Variants in GRK5 observed in about 807,000 individuals in gnomAD.
GRK5 encodes g protein-coupled receptor kinase GRK5.
Under a neutral mutation model 78.4 loss-of-function variants are expected in GRK5, and 40 were observed. The observed-to-expected ratio is 0.51, with a 90% confidence interval of 0.40 to 0.66. GRK5 has a LOEUF of 0.66. Among genes scored for constraint, GRK5 ranks in the 30% least tolerant of loss-of-function variants. The probability of loss-of-function intolerance (pLI) is 0.00; values close to 1 mark genes in which losing one functional copy is unlikely to be tolerated. For missense variants in GRK5, 598 were observed against 759.9 expected, an observed-to-expected ratio of 0.79 and a Z score of 2.50; for synonymous variants, 289 against 296.8, an observed-to-expected ratio of 0.97 and a Z score of 0.27.
Position 119,261,654 on chromosome 10 carries a change from C to T in GRK5, c.52+53685C>T, listed in dbSNP as rs1282384271. 7.9e-4 allele frequency among the ~76,000 whole-genome samples: 120 copies of T among 152,346 alleles called. 1 individual carries two copies. The highest frequency in any genetic ancestry group is 6.6e-3 in the East Asian group (34 of 5,184). On this transcript the variant is annotated intron_variant, in intron 1 of 15. Transcript: ENST00000392870. ...GACTCTGTCTGCAATCCCGGCACCT[C>T]GGGAGGCCGAGGCTGGCGGATCACT... is the stretch of plus-strand genomic sequence containing the variant.
rs192930753 is a variant in GRK5 at position 119,222,532 on chromosome 10, C to T, written c.52+14563C>T. ...GGAATTTACCTAGACAAGGGCCCTA[C>T]GGTTCCCACCTGAGAATAGAAAACG... On this transcript the variant is annotated intron_variant, in intron 1 of 15. Transcript: ENST00000392870. Among the ~76,000 whole-genome samples the T allele has an allele frequency of 2.5e-3, 383 of 152,208 alleles. 5 individuals are homozygous for T. The South Asian group carries it at 0.028, about 11-fold the overall frequency.
intron 2 of GRK5, among the ~76,000 whole-genome samples, chr10:119,346,635 T>C (rs1851099886): frequency 6.6e-6 from 1 of 152,164 alleles, no homozygotes; most frequent in South Asian, 2.1e-4. Flanking sequence ...GCTGGGTGCC[T>C]TCTGCCAGCT....
intron 1 of GRK5, among the ~76,000 whole-genome samples, chr10:119,312,981 C>G (rs12766130): frequency 0.29 from 7,056 of 24,756 alleles, 351 homozygotes; most frequent in East Asian, 0.38. Context: ...GATGGTGATG[C>G]TGATGGTGGT....
chr10:119,263,433 G>A (rs2133659834), intron 1 of GRK5, among the ~76,000 whole-genome samples: 1 of 152,180 alleles, frequency 6.6e-6, no homozygotes, highest in East Asian at 1.9e-4. Context: ...GTGTGTGCAT[G>A]TGTAAAACAT....
At chr10:119,276,616 AGTAATGGGATGGCTGGGTCAAAT>A (rs755897436) in intron 1 of GRK5, among the ~76,000 whole-genome samples, 69 of 152,356 alleles carry the variant, frequency 4.5e-4, no homozygotes, top group Non-Finnish European at 7.5e-4. Context: ...GTATATACCC[AGTAATGGGATGGCTGGGTCAAAT>A]GGTATTTCTA....
At chr10:119,422,821 C>T (rs928463335) in intron 4 of GRK5, among the ~76,000 whole-genome samples, 2 of 152,232 alleles carry the variant, frequency 1.3e-5, no homozygotes, top group African/African-American at 4.8e-5. Flanking sequence ...GCCATGGGGA[C>T]TGTCATTATC....
chr10:119,397,756 C>T (rs2133855471), intron 4 of GRK5, among the ~76,000 whole-genome samples: 2 of 152,380 alleles, frequency 1.3e-5, no homozygotes, highest in South Asian at 4.1e-4. Context: ...TCTTCTCCAG[C>T]ATCAGCAGTT....
chr10:119,275,931 C>T (rs1355800550), intron 1 of GRK5, among the ~76,000 whole-genome samples: 2 of 152,110 alleles, frequency 1.3e-5, no homozygotes, highest in Non-Finnish European at 2.9e-5. Flanking sequence ...CAGACAGTGA[C>T]CCGATTTTCC....
intron 2 of GRK5, among the ~76,000 whole-genome samples, chr10:119,362,475 C>G (rs1227435887): frequency 6.6e-6 from 1 of 152,270 alleles, no homozygotes; most frequent in Admixed American, 6.5e-5. Flanking sequence ...ATGTAATAGA[C>G]AGCAGAGACC....
intron 1 of GRK5, among the ~76,000 whole-genome samples, chr10:119,288,059 G>A (rs1239228830): frequency 6.6e-6 from 1 of 152,268 alleles, no homozygotes; most frequent in Non-Finnish European, 1.5e-5. Flanking sequence ...TGCTCTTAGG[G>A]TTAGCCCAGA....
chr10:119,436,602 G>A, intron 8 of GRK5, 49 bp from the exon 9 acceptor site: 1 of 1,569,230 alleles, frequency 6.4e-7, no homozygotes. Context: ...AAGTGGAAGT[G>A]AGTGGCCATT....
chr10:119,377,175 A>G (rs1851638415), intron 2 of GRK5, among the ~76,000 whole-genome samples: 1 of 152,188 alleles, frequency 6.6e-6, no homozygotes, highest in East Asian at 1.9e-4. Context: ...GCCCCCTTCC[A>G]AGCTGGATTT....
intron 1 of GRK5, among the ~76,000 whole-genome samples, chr10:119,265,793 C>G (rs1849486050): frequency 1.3e-5 from 2 of 152,214 alleles, no homozygotes; most frequent in Non-Finnish European, 2.9e-5. Flanking sequence ...CAGGGAAACC[C>G]TGGGCCCTGC....
chr10:119,247,575 A>G (rs1056646352), intron 1 of GRK5, among the ~76,000 whole-genome samples: 51 of 152,244 alleles, frequency 3.3e-4, no homozygotes, highest in Non-Finnish European at 5.9e-5. Flanking sequence ...TTTAATAGCA[A>G]TTAAAACAAA....
rs562113667 is a variant in GRK5, at chr10:119,231,846, G to A, written c.52+23877G>A. Among the ~76,000 whole-genome samples, 340 of 152,214 alleles carry A rather than the reference G, an allele frequency of 2.2e-3. 3 individuals carry two copies. The highest frequency in any genetic ancestry group is 3.3e-3 in the Non-Finnish European group (227 of 68,022). ...ACAAAAAATAACAAATACCGGAGACGATGTAGAGAAAAGGGAACTCATACA... is the reference window on the plus strand; with the variant it reads ...ACAAAAAATAACAAATACCGGAGACAATGTAGAGAAAAGGGAACTCATACA... On this transcript the variant is annotated intron_variant, in intron 1 of 15. Coordinates refer to ENST00000392870, the MANE Select transcript of GRK5 (RefSeq NM_005308.3).
chr10:119,431,567 T>C lies in GRK5; in HGVS notation c.738+40T>C, dbSNP rs1214007909. ...GGGCCCAGTGACCGGCTCGCCCTTC[T>C]GTGGACTGGGGCTTCCCTCCCTCCG... On this transcript the variant is annotated intron_variant, in intron 8 of 15. Coordinates refer to ENST00000392870, the MANE Select transcript of GRK5 (RefSeq NM_005308.3). The surrounding 1 kb of genome is among the most constrained non-coding windows in gnomAD (Gnocchi z 4.8). 2.5e-6 allele frequency: 4 copies of C among 1,598,522 alleles called. No individual in the cohort carries two copies. Among genetic ancestry groups the C allele is most frequent in the Non-Finnish European group, 3.4e-6 (4 of 1,171,752 alleles).
In GRK5 at chr10:119,457,831, C is replaced by T. The variant is rs543672554; in HGVS notation, c.*2764C>T. 2 of 150,402 alleles carry T rather than the reference C, an allele frequency of 1.3e-5. No homozygotes were observed. The highest frequency in any genetic ancestry group is 2.0e-4 in the East Asian group (1 of 5,050). The allele number at this position is 150,402 out of a possible 1,614,324, so 9.3% of individuals were successfully genotyped here. A position where few individuals can be genotyped will look rare whatever the true frequency, so the allele number is the denominator to read the frequency against. On this transcript the variant is annotated 3_prime_UTR_variant, in exon 16 of 16. Transcript: ENST00000392870. ...CCTCCGAGGTAGCTGGGACCATAGG[C>T]GTGCACCACCATACTCAGCTAATTT...
chr10:119,236,641 AT>A (rs570264872), intron 1 of GRK5, among the ~76,000 whole-genome samples: 41 of 148,994 alleles, frequency 2.8e-4, no homozygotes, highest in African/African-American at 8.6e-4. Flanking sequence ...TCTGCAGTTA[AT>A]TTTTTTCTTT....
intron 2 of GRK5, among the ~76,000 whole-genome samples, chr10:119,328,183 G>A (rs7086215): frequency 0.21 from 31,857 of 152,116 alleles, 5,193 homozygotes; most frequent in African/African-American, 0.45. Flanking sequence ...CCACGGTGCC[G>A]TGGATGCCGT....
Sources: allele counts gnomAD v4.1 joint callset (sites outside exome capture counted in the v4.1 genomes callset), GRCh38; gene constraint gnomAD v4.1.1; non-coding constraint Gnocchi (gnomAD v3.1); transcripts MANE v1.5; gene names NCBI Gene and HGNC (gene_info 2026-07-23, HGNC 2026-07-21).